IFT122: variants seen among roughly 807,000 people sequenced by gnomAD.
IFT122 encodes intraflagellar transport protein 122 homolog.
A neutral mutation model predicts 161.6 loss-of-function variants in IFT122; 118 were observed. That is an observed-to-expected ratio of 0.73 (90% CI 0.63 to 0.85). IFT122 has a LOEUF of 0.85. Among genes scored for constraint, IFT122 ranks in the 40% least tolerant of loss-of-function variants. The probability of loss-of-function intolerance (pLI) is 0.00; values close to 1 mark genes in which losing one functional copy is unlikely to be tolerated. For synonymous variants in IFT122, 550 were observed against 602.4 expected (o/e 0.91, Z 1.27); for missense variants, 1,381 against 1,579.6 (o/e 0.87, Z 2.13).
chr3:129,483,351 C>T, intron 14 of IFT122, 134 bp from the exon 15 acceptor site: 2 of 778,546 alleles, frequency 2.6e-6, no homozygotes, highest in Non-Finnish European at 4.6e-6. Flanking sequence ...GGTCCCCTTT[C>T]ATCCTTTTCC....
intron 18 of IFT122, among the ~76,000 whole-genome samples, chr3:129,498,877 C>G (rs2081205212): frequency 6.6e-6 from 1 of 152,162 alleles, no homozygotes; most frequent in African/African-American, 2.4e-5. Context: ...AAAGCTCCAC[C>G]TTTAAAAGCT....
rs910405975 is a variant in IFT122 at position 129,452,123 on chromosome 3, A to C, written c.193+125A>C. ...AAGTTGCAAGTTCAGAAGACAGTGAAGTTGCTAAGACTTCAGTTTGGTCAT... is the reference window on the plus strand; with the variant it reads ...AAGTTGCAAGTTCAGAAGACAGTGACGTTGCTAAGACTTCAGTTTGGTCAT... On this transcript the variant is annotated intron_variant, in intron 3 of 29. Transcript: ENST00000348417. The C allele has an allele frequency of 2.9e-5, 22 of 746,088 alleles. No individual in the cohort carries two copies. The African/African-American group carries it at 3.6e-4, about 12-fold the overall frequency. The allele number at this position is 746,088 out of a possible 1,614,324, so 46.2% of individuals were successfully genotyped here. A position where few individuals can be genotyped will look rare whatever the true frequency, so the allele number is the denominator to read the frequency against.
rs551959920 is a variant in IFT122, at chr3:129,492,823, T to C, written c.2046+629T>C. Among the ~76,000 whole-genome samples the C allele has an allele frequency of 6.4e-4, 96 of 150,428 alleles. 1 individual carries two copies. The highest frequency in any genetic ancestry group is 1.2e-3 in the Non-Finnish European group (84 of 67,498). On this transcript the variant is annotated intron_variant, in intron 17 of 29. Transcript: ENST00000348417. ...ACACTATGCTTTTTTTTTCTTTTTT[T>C]TTTTTTTTTTTCTGAAACAAGGTCT...
At chr3:129,516,102 A>G (rs1259292663) in intron 26 of IFT122, among the ~76,000 whole-genome samples, 12 of 148,984 alleles carry the variant, frequency 8.1e-5, no homozygotes, top group Non-Finnish European at 1.2e-4. Context: ...GCTCCTGCAC[A>G]CACACACACA....
chr3:129,440,380 C>G lies in IFT122; in HGVS notation c.41+9C>G. 1 of 1,549,822 alleles carries G rather than the reference C, an allele frequency of 6.5e-7. No individual in the cohort carries two copies. The highest frequency in any genetic ancestry group is 8.7e-7 in the Non-Finnish European group (1 of 1,146,768). On this transcript the variant is annotated intron_variant, in intron 1 of 29. Coordinates refer to ENST00000348417, the MANE Select transcript of IFT122 (RefSeq NM_052989.3). ...GATAAAGCCGAGCACTGGTGAGGAG[C>G]GGGGCGGTTCGCGAAGAGCAGGAGG...
At chr3:129,444,513 A>G (rs887849552) in intron 1 of IFT122, among the ~76,000 whole-genome samples, 54 of 151,648 alleles carry the variant, frequency 3.6e-4, no homozygotes, top group African/African-American at 1.2e-3. Context: ...AAATAAGATA[A>G]TGTAAGTTTA....
At chr3:129,510,573 T>C (rs1157191377) in intron 23 of IFT122, among the ~76,000 whole-genome samples, 2 of 152,096 alleles carry the variant, frequency 1.3e-5, no homozygotes, top group Non-Finnish European at 2.9e-5. Context: ...AGCCTCACTT[T>C]GCCCAAGCCA....
intron 13 of IFT122, 90 bp downstream of exon 13, chr3:129,480,012 A>C: frequency 1.8e-4 from 279 of 1,523,752 alleles, no homozygotes; most frequent in Middle Eastern, 4.4e-4. Context: ...CTGGGTTCTC[A>C]GGGCAGGAAA....
At chr3:129,445,687 C>G (rs1232887077) in intron 1 of IFT122, among the ~76,000 whole-genome samples, 1 of 152,188 alleles carries the variant, frequency 6.6e-6, no homozygotes, top group Non-Finnish European at 1.5e-5. Flanking sequence ...AAATCCTGGC[C>G]CTTGCACTTG....
rs77532189 is a variant in IFT122 at position 129,500,806 on chromosome 3, C to G, written c.2375+738C>G. Among the ~76,000 whole-genome samples, 5 of 152,226 alleles carry G rather than the reference C, an allele frequency of 3.3e-5. No homozygotes were observed. In the East Asian group the frequency reaches 7.7e-4, roughly 24 times the overall value. ...AGTGGGCTGGCCACACTGGAAGGGC[C>G]TCCGATGCCAAACGGAGGTGCTTAG... On this transcript the variant is annotated intron_variant, in intron 19 of 29. Transcript: ENST00000348417.
At chr3:129,507,341 T>C (rs1288378222) in intron 22 of IFT122, among the ~76,000 whole-genome samples, 1 of 152,222 alleles carries the variant, frequency 6.6e-6, no homozygotes, top group Non-Finnish European at 1.5e-5. Context: ...AGCAGGCTCT[T>C]CCGACACATC....
intron 18 of IFT122, among the ~76,000 whole-genome samples, chr3:129,496,203 G>T (rs895244490): frequency 2.6e-5 from 4 of 151,990 alleles, no homozygotes; most frequent in Non-Finnish European, 5.9e-5. Flanking sequence ...GCATTGGGAC[G>T]GCCCCCATGA....
chr3:129,466,893 A>T lies in IFT122; in HGVS notation c.567A>T (p.Arg189=), dbSNP rs775245806. The change falls in exon 8 of 30, where the codon CGA becomes CGT. Residue 189 remains arginine (R), a synonymous_variant. Coordinates refer to ENST00000348417, the MANE Select transcript of IFT122 (RefSeq NM_052989.3). ...AACAACTACTTACTGTCTACAGCCG[A>T]TGGGAGAGTTTCTGGATGAACAGAG... ...IWSICWNPSS[R]WESFWMNREN... 1 of 1,613,940 alleles carries T rather than the reference A, an allele frequency of 6.2e-7. No homozygotes were observed. Among genetic ancestry groups the T allele is most frequent in the Non-Finnish European group, 8.5e-7 (1 of 1,179,768 alleles).
At chr3:129,459,435 G>A (rs151006097) in intron 4 of IFT122, 5,764 of 340,532 alleles carry the variant, frequency 0.017, 168 homozygotes, top group African/African-American at 0.083. Flanking sequence ...GACTATAGGC[G>A]CTCACCACCA....
rs1559880238 is a variant in IFT122 at position 129,465,646 on chromosome 3, T to TGCCACCACACCTGGCTAA, written c.563+865_563+866insGCCACCACACCTGGCTAA. 3.6e-3 allele frequency among the ~76,000 whole-genome samples: 456 copies of TGCCACCACACCTGGCTAA among 126,604 alleles called. 1 individual carries two copies. The highest frequency in any genetic ancestry group is 9.2e-3 in the East Asian group (31 of 3,376). The allele number at this position is 126,604 out of a possible 152,430, so 83.1% of individuals were successfully genotyped here. ...CCACCACGCCTGGCTAATTTTTTTT[T>TGCCACCACACCTGGCTAA]TTTTTTTGAGACGGAGTCTCGCTCT... is the stretch of plus-strand genomic sequence containing the variant. On this transcript the variant is annotated intron_variant, in intron 7 of 29. Transcript: ENST00000348417.
intron 11 of IFT122, among the ~76,000 whole-genome samples, chr3:129,477,747 A>G (rs1490714106): frequency 6.6e-6 from 1 of 152,176 alleles, no homozygotes; most frequent in Non-Finnish European, 1.5e-5. Flanking sequence ...AGGAGTTTAT[A>G]TTTGTATCCA....
At chr3:129,441,329 T>C (rs2073064428) in intron 1 of IFT122, among the ~76,000 whole-genome samples, 1 of 152,190 alleles carries the variant, frequency 6.6e-6, no homozygotes, top group African/African-American at 2.4e-5. Context: ...CTGAACATCC[T>C]TCAAGGCTCA....
At chr3:129,510,116 A>C (rs144961252) in intron 23 of IFT122, among the ~76,000 whole-genome samples, 7 of 152,264 alleles carry the variant, frequency 4.6e-5, no homozygotes, top group Non-Finnish European at 1.0e-4. Flanking sequence ...GGTGGAGTGC[A>C]GTGTCATGAT....
chr3:129,516,168 T>TGC (rs781014344), intron 26 of IFT122, among the ~76,000 whole-genome samples: 11 of 95,790 alleles, frequency 1.1e-4, no homozygotes, highest in East Asian at 9.7e-4. Context: ...AGACCGCCCC[T>TGC]GCACACACAC....
Sources: allele counts gnomAD v4.1 joint callset (sites outside exome capture counted in the v4.1 genomes callset), GRCh38; gene constraint gnomAD v4.1.1; transcripts MANE v1.5; gene names NCBI Gene and HGNC (gene_info 2026-07-23, HGNC 2026-07-21).